UBXN2A: variants seen among roughly 807,000 people sequenced by gnomAD.
The protein encoded by UBXN2A is UBX domain protein 2A, also known as UBX domain-containing protein 2A.
In UBXN2A, 28 loss-of-function variants were observed where a neutral mutation model predicts 28.4. The observed-to-expected ratio is 0.99, with a 90% confidence interval of 0.73 to 1.35. The LOEUF (loss-of-function observed/expected upper bound fraction) is 1.35, where lower values mean the gene tolerates loss of function less well. Among genes scored for constraint, UBXN2A ranks in the 40% most tolerant of loss-of-function variants. The pLI is 0.00. For missense variants in UBXN2A, 253 were observed against 297.9 expected (o/e 0.85, Z 1.11); for synonymous variants, 97 against 103.6 (o/e 0.94, Z 0.39).
chr2:23,964,025 A>G (rs1433770238), intron 2 of UBXN2A, among the ~76,000 whole-genome samples: 1 of 151,914 alleles, frequency 6.6e-6, no homozygotes, highest in Non-Finnish European at 1.5e-5. Flanking sequence ...CCAGCTACTG[A>G]GGAGGCTGAG....
chr2:23,993,691 ATT>A (rs537302592), intron 6 of UBXN2A, among the ~76,000 whole-genome samples: 2 of 134,476 alleles, frequency 1.5e-5, no homozygotes, highest in African/African-American at 2.7e-5. Flanking sequence ...TAATTTTTTA[ATT>A]TTTTTTTTTT....
At chr2:23,939,041 C>T (rs1179577986), upstream of UBXN2A, among the ~76,000 whole-genome samples, 2 of 152,086 alleles carry the variant, frequency 1.3e-5, no homozygotes, top group Admixed American at 6.6e-5. Flanking sequence ...GTGGGGGGAA[C>T]GGCATGGGCC....
At chr2:23,986,613 C>CTTTT in intron 6 of UBXN2A, among the ~76,000 whole-genome samples, 1 of 137,816 alleles carries the variant, frequency 7.3e-6, no homozygotes, top group Non-Finnish European at 1.6e-5. Flanking sequence ...TTCCTAAAAG[C>CTTTT]TTTTTTTTTT....
chr2:23,996,455 GTTTTC>G (rs1488162421), intron 6 of UBXN2A, among the ~76,000 whole-genome samples: 3 of 147,906 alleles, frequency 2.0e-5, no homozygotes, highest in Non-Finnish European at 1.5e-5. Flanking sequence ...CTCTTTTTCT[GTTTTC>G]TTTTTTCTTT....
rs1260239656 is a variant in UBXN2A at position 23,932,934 on chromosome 2, C to T, written c.-138+5319C>T. On this transcript the variant is annotated intron_variant, in intron 1 of 7. Coordinates refer to the UBXN2A transcript ENST00000404924. The stretch of plus-strand genomic sequence containing the variant: ...CCTGGCTAACACAGTGAAACCCCGT[C>T]TCTACTAAAAATATAAAATAATTAG... 3.9e-5 allele frequency among the ~76,000 whole-genome samples: 6 copies of T among 151,946 alleles called. No individual in the cohort carries two copies. The South Asian group carries it at 1.2e-3, about 32-fold the overall frequency.
At chr2:23,964,541 G>A (rs1388180876) in intron 2 of UBXN2A, among the ~76,000 whole-genome samples, 3 of 152,194 alleles carry the variant, frequency 2.0e-5, no homozygotes, top group African/African-American at 4.8e-5. Context: ...AAATTCTGCA[G>A]TATGCAACAA....
rs1007385428 is a variant in UBXN2A at position 24,004,056 on chromosome 2, T to A, written c.*4189T>A. 4 of 152,230 alleles carry A rather than the reference T, an allele frequency of 2.6e-5. No individual in the cohort carries two copies. The highest frequency in any genetic ancestry group is 7.2e-5 in the African/African-American group (3 of 41,466). 9.4% of individuals were successfully genotyped at this position (152,230 alleles called of 1,614,324 possible). A position where few individuals can be genotyped will look rare whatever the true frequency, so the allele number is the denominator to read the frequency against. ...AGTAAGGGTCCTATGGAGAAAGACC[T>A]GTTGTCATCAATAACCTTCATTATT... On this transcript the variant is annotated 3_prime_UTR_variant, in exon 7 of 7. Coordinates refer to ENST00000309033, the MANE Select transcript of UBXN2A (RefSeq NM_181713.4).
intron 1 of UBXN2A, among the ~76,000 whole-genome samples, chr2:23,934,696 C>G (rs13034709): frequency 0.13 from 19,715 of 152,106 alleles, 1,714 homozygotes; most frequent in Non-Finnish European, 0.18. Flanking sequence ...ACTAAAAAGT[C>G]AACACAGAAA....
At chr2:23,937,001 G>A (rs761939252), upstream of UBXN2A, among the ~76,000 whole-genome samples, 8 of 151,968 alleles carry the variant, frequency 5.3e-5, no homozygotes, top group South Asian at 1.0e-3. Context: ...ATGAGCCACC[G>A]TGCCCGGCCT....
chr2:23,972,104 G>T (rs1458868756), intron 3 of UBXN2A, among the ~76,000 whole-genome samples: 2 of 151,818 alleles, frequency 1.3e-5, no homozygotes, highest in African/African-American at 4.8e-5. Flanking sequence ...GACTGATAAG[G>T]TAAGGGTAAG....
intron 3 of UBXN2A, among the ~76,000 whole-genome samples, chr2:23,971,973 C>T (rs1004948427): frequency 6.6e-6 from 1 of 152,026 alleles, no homozygotes; most frequent in African/African-American, 2.4e-5. Context: ...GTGCCATGTG[C>T]CTGTAGTCCC....
At chr2:23,960,580 A>G (rs1217606011) in intron 2 of UBXN2A, among the ~76,000 whole-genome samples, 2 of 152,194 alleles carry the variant, frequency 1.3e-5, no homozygotes, top group Non-Finnish European at 2.9e-5. Flanking sequence ...GAGAAACCCC[A>G]TATCCATTAG....
upstream of UBXN2A, among the ~76,000 whole-genome samples, chr2:23,936,955 C>A (rs1188083787): frequency 6.6e-6 from 1 of 152,144 alleles, no homozygotes; most frequent in African/African-American, 2.4e-5. Flanking sequence ...AAGTGATTCA[C>A]CTGCCTAAGC....
chr2:23,952,524 A>C lies in UBXN2A; in HGVS notation c.-14-5777A>C, dbSNP rs113606190. On this transcript the variant is annotated intron_variant, in intron 1 of 6. Coordinates refer to ENST00000309033, the MANE Select transcript of UBXN2A (RefSeq NM_181713.4). ...CAATGGCGCGATGTCAGCTCACCAC[A>C]ATCTCCACCTCCCGGGTTCAAGCAG... Among the ~76,000 whole-genome samples the C allele has an allele frequency of 6.8e-3, 1,033 of 152,052 alleles. 15 individuals are homozygous for C. The highest frequency in any genetic ancestry group is 0.022 in the African/African-American group (925 of 41,456).
intron 3 of UBXN2A, among the ~76,000 whole-genome samples, 188 bp from the exon 4 acceptor site, chr2:23,976,781 A>G (rs963133292): frequency 5.3e-5 from 8 of 152,102 alleles, no homozygotes; most frequent in East Asian, 1.9e-4. Context: ...GGGTCTCGCT[A>G]TGTTGCCAGG....
At chr2:23,979,862 C>T (rs952091293) in intron 4 of UBXN2A, among the ~76,000 whole-genome samples, 6 of 151,890 alleles carry the variant, frequency 4.0e-5, no homozygotes, top group African/African-American at 1.5e-4. Context: ...TGAGCCACCA[C>T]GCCCAGCCAA....
At chr2:23,930,995 T>A (rs758321496) in intron 1 of UBXN2A, among the ~76,000 whole-genome samples, 1 of 152,076 alleles carries the variant, frequency 6.6e-6, no homozygotes, top group Non-Finnish European at 1.5e-5. Context: ...TGAAACCCTG[T>A]CTCTCCTAAA....
At chr2:23,936,066 A>C (rs1224084523), upstream of UBXN2A, among the ~76,000 whole-genome samples, 2 of 152,020 alleles carry the variant, frequency 1.3e-5, no homozygotes, top group East Asian at 3.9e-4. Flanking sequence ...AAATAAATTA[A>C]ATTAATAAAT....
chr2:24,004,662 G>A lies in UBXN2A; in HGVS notation c.*4795G>A, dbSNP rs1708767989. 2 of 151,884 alleles carry A rather than the reference G, an allele frequency of 1.3e-5. No homozygotes were observed. The highest frequency in any genetic ancestry group is 1.3e-4 in the Admixed American group (2 of 15,270). The allele number at this position is 151,884 out of a possible 1,614,324, so 9.4% of individuals were successfully genotyped here. A position where few individuals can be genotyped will look rare whatever the true frequency, so the allele number is the denominator to read the frequency against. ...GAGCGAGACTCCGTCTCAAAAAAAA[G>A]AAAAAAAGAAATACATATCTAATGT... On this transcript the variant is annotated 3_prime_UTR_variant, in exon 7 of 7. Transcript: ENST00000309033.
Sources: allele counts gnomAD v4.1 joint callset (sites outside exome capture counted in the v4.1 genomes callset), GRCh38; gene constraint gnomAD v4.1.1; transcripts MANE v1.5; gene names NCBI Gene and HGNC (gene_info 2026-07-23, HGNC 2026-07-21).